Variants in ATXN2 observed in about 807,000 individuals in gnomAD.
ATXN2 encodes the protein ataxin 2.
A neutral mutation model predicts 138.6 loss-of-function variants in ATXN2; 37 were observed. The ratio of observed to expected loss-of-function variants is 0.27; its 90% CI spans 0.21 to 0.35. ATXN2 has a LOEUF of 0.35. Ranked by LOEUF, ATXN2 falls within the 10% of genes least tolerant of loss-of-function variation. The pLI, the probability that ATXN2 is intolerant of heterozygous loss-of-function variation, is 1.00. For missense variants in ATXN2, 1,216 were observed against 1,480.3 expected, an observed-to-expected ratio of 0.82 and a Z score of 2.93; for synonymous variants, 549 against 543.7, an observed-to-expected ratio of 1.01 and a Z score of -0.13.
rs573328063 is a variant in ATXN2 at position 111,507,136 on chromosome 12, T to C, written c.1935+2413A>G. ...CTGCCTGGCCACCCATCGTCTGGGATGTGAGGAGCCCCTCTGCCCGGCTGC... is the reference window on the plus strand; with the variant it reads ...CTGCCTGGCCACCCATCGTCTGGGACGTGAGGAGCCCCTCTGCCCGGCTGC... On this transcript the variant is annotated intron_variant, in intron 14 of 24. Coordinates refer to ENST00000673436, the MANE Select transcript of ATXN2 (RefSeq NM_001372574.1). Among the ~76,000 whole-genome samples the C allele has an allele frequency of 3.5e-3, 533 of 150,202 alleles. 1 individual carries two copies. The highest frequency in any genetic ancestry group is 0.012 in the African/African-American group (507 of 40,734).
At chr12:111,512,405 A>T (rs933415572) in intron 11 of ATXN2, 2 of 152,000 alleles carry the variant, frequency 1.3e-5, no homozygotes, top group African/African-American at 4.8e-5. Flanking sequence ...AAGTAGCAAA[A>T]GCAGTCAGCC....
chr12:111,570,260 G>A (rs1883243540), intron 1 of ATXN2, among the ~76,000 whole-genome samples: 1 of 152,044 alleles, frequency 6.6e-6, no homozygotes, highest in Admixed American at 6.6e-5. Flanking sequence ...CTTTCTGGAG[G>A]CCACAAAACA....
chr12:111,598,877 G>A lies in ATXN2; in HGVS notation c.158C>T (p.Ser53Leu). ...CGAGGAGACCGAGGACGAGGACGGC[G>A]AAGGCGCGGCGGCGGGCGACGCTAG... is the stretch of plus-strand genomic sequence containing the variant. The part of the protein sequence containing the change: ...GLLASPAAAP[S>L]PSSSSVSSSS... The change falls in exon 1 of 25, where the codon TCG becomes TTG. Residue 53 changes from serine (S) to leucine (L), a missense_variant. This residue lies in a region of ATXN2 where 110 missense variants were observed against 88.7 expected (regional missense o/e 1.24). Transcript: ENST00000673436. The surrounding 1 kb of genome is among the most constrained non-coding windows in gnomAD (Gnocchi z 4.5). 4 of 1,495,794 alleles carry A rather than the reference G, an allele frequency of 2.7e-6. No individual in the cohort carries two copies. The South Asian group carries it at 3.7e-5, about 14-fold the overall frequency. 92.7% of individuals were successfully genotyped at this position (1,495,794 alleles called of 1,614,324 possible). A position where few individuals can be genotyped will look rare whatever the true frequency, so the allele number is the denominator to read the frequency against.
intron 5 of ATXN2, among the ~76,000 whole-genome samples, chr12:111,530,569 T>A (rs934316193): frequency 2.0e-5 from 3 of 152,074 alleles, no homozygotes; most frequent in Non-Finnish European, 2.9e-5. Flanking sequence ...AATCTCAGCA[T>A]TTTGGGAGGC....
intron 5 of ATXN2, among the ~76,000 whole-genome samples, chr12:111,543,324 GAACAC>G: frequency 6.6e-6 from 1 of 152,146 alleles, no homozygotes; most frequent in Non-Finnish European, 1.5e-5. Flanking sequence ...AACCATATGA[GAACAC>G]AACAGCACAC....
At chr12:111,577,865 G>A (rs1883761773) in intron 1 of ATXN2, among the ~76,000 whole-genome samples, 2 of 151,994 alleles carry the variant, frequency 1.3e-5, no homozygotes, top group Admixed American at 1.3e-4. Context: ...GAGGATTGCT[G>A]GAGCCCAGGA....
Position 111,598,970 on chromosome 12 carries a change from TGCTGCTGTTGCTGCTGCTGCTGCTGC to T in ATXN2, c.39_64del (p.Gln14AlafsTer67). 1 of 1,500,136 alleles carries T rather than the reference TGCTGCTGTTGCTGCTGCTGCTGCTGC, an allele frequency of 6.7e-7. No individual in the cohort carries two copies. Among genetic ancestry groups the T allele is most frequent in the South Asian group, 1.2e-5 (1 of 80,436 alleles). 92.9% of individuals were successfully genotyped at this position (1,500,136 alleles called of 1,614,324 possible). On this transcript the variant is annotated frameshift_variant, in exon 1 of 25. Transcript: ENST00000673436. LOFTEE classifies it high-confidence loss of function. This position sits in a 1 kb window ranked among gnomAD's most constrained non-coding sequence, Gnocchi z 4.5. ...CGGCGGCTGCTGCTGCTGCTGCTGC[TGCTGCTGTTGCTGCTGCTGCTGCTGC>T]TGCTGCTGCTGCTGCTGCTGCTGGG...
At chr12:111,557,815 C>A (rs1004239164) in intron 1 of ATXN2, among the ~76,000 whole-genome samples, 6 of 152,188 alleles carry the variant, frequency 3.9e-5, no homozygotes, top group Middle Eastern at 3.4e-3. Flanking sequence ...GGGGGGTGTA[C>A]TTATAGTCTG....
chr12:111,585,411 T>C (rs2135838543), intron 1 of ATXN2, among the ~76,000 whole-genome samples: 1 of 150,370 alleles, frequency 6.7e-6, no homozygotes. Flanking sequence ...TACTCAGGAG[T>C]CAGAGGCAGG....
At position 111,510,569 on chromosome 12, in the gene ATXN2, G is replaced by T. The variant is rs1879448628; in HGVS notation, c.1572C>A (p.Ser524=). Residue 524 remains serine, a synonymous_variant, in exon 12 of 25, where the codon TCC becomes TCA. Coordinates refer to ENST00000673436, the MANE Select transcript of ATXN2 (RefSeq NM_001372574.1). The part of the protein sequence containing the change: ...SSVVSGVPRL[S]PKTHRPRSPR... ...GAGACCTGGGTCTATGAGTTTTAGG[G>T]GATAATCTTGGAACTAGAAGAAAGG... The T allele has an allele frequency of 6.2e-7, 1 of 1,607,986 alleles. No homozygotes were observed. The highest frequency in any genetic ancestry group is 1.3e-5 in the African/African-American group (1 of 74,660).
At chr12:111,471,817 G>C (rs1223124373) in intron 18 of ATXN2, 1 of 151,868 alleles carries the variant, frequency 6.6e-6, no homozygotes, top group Non-Finnish European at 1.5e-5. Flanking sequence ...AAGTTTGCCC[G>C]ATTATGCTAA....
At chr12:111,479,949 C>T (rs1877102906) in intron 18 of ATXN2, among the ~76,000 whole-genome samples, 1 of 146,098 alleles carries the variant, frequency 6.8e-6, no homozygotes, top group African/African-American at 2.5e-5. Flanking sequence ...GAGTTCGAGA[C>T]CAACCTGGGC....
chr12:111,513,553 A>C lies in ATXN2; in HGVS notation c.1376-14T>G. ...TCCTTGGAGGCCCTAAGGAAGAAAC[A>C]GTGAACATCACATAAATTCCATGAT... On this transcript the variant is annotated splice_polypyrimidine_tract_variant and intron_variant, in intron 10 of 24. Coordinates refer to ENST00000673436, the MANE Select transcript of ATXN2 (RefSeq NM_001372574.1). The C allele has an allele frequency of 6.2e-7, 1 of 1,601,838 alleles. No individual in the cohort carries two copies. Among genetic ancestry groups the C allele is most frequent in the Non-Finnish European group, 8.5e-7 (1 of 1,175,178 alleles).
chr12:111,479,944 C>T (rs1220031436), intron 18 of ATXN2, among the ~76,000 whole-genome samples: 2 of 139,962 alleles, frequency 1.4e-5, no homozygotes, highest in Non-Finnish European at 3.0e-5. Flanking sequence ...CTCAAGAGTT[C>T]GAGACCAACC....
At chr12:111,456,317 T>C in intron 22 of ATXN2, 61 bp from the exon 23 acceptor site, 2 of 1,566,678 alleles carry the variant, frequency 1.3e-6, no homozygotes, top group South Asian at 1.1e-5. Context: ...AGCCAAGGGA[T>C]ACCCACAAAG....
At chr12:111,576,225 C>A (rs1422571497) in intron 1 of ATXN2, among the ~76,000 whole-genome samples, 2 of 152,128 alleles carry the variant, frequency 1.3e-5, no homozygotes, top group South Asian at 4.1e-4. Flanking sequence ...AGGCGGATCA[C>A]TTGAGAATAG....
intron 1 of ATXN2, among the ~76,000 whole-genome samples, chr12:111,577,992 T>G (rs1883773219): frequency 1.4e-5 from 2 of 146,144 alleles, no homozygotes; most frequent in Non-Finnish European, 3.0e-5. Context: ...GGTCAGGAGT[T>G]CGAGACCAGC....
intron 1 of ATXN2, among the ~76,000 whole-genome samples, chr12:111,580,718 T>C (rs1227608710): frequency 1.1e-5 from 1 of 90,462 alleles, no homozygotes; most frequent in Non-Finnish European, 2.3e-5. Context: ...AGAGGAAGGG[T>C]TGGGAGAGAC....
intron 17 of ATXN2, 146 bp downstream of exon 17, chr12:111,485,564 TAAC>T: frequency 9.5e-7 from 1 of 1,052,794 alleles, no homozygotes; most frequent in Non-Finnish European, 1.4e-6. Flanking sequence ...TCCTCATACT[TAAC>T]AACACACTGA....
Sources: gnomAD v4.1 joint callset for allele counts (sites outside exome capture counted in the v4.1 genomes callset) on GRCh38, gnomAD v4.1.1 for gene constraint, gnomAD v4.1.1 regional missense constraint, Gnocchi (gnomAD v3.1) non-coding constraint, MANE v1.5 for transcripts, NCBI Gene and HGNC (gene_info 2026-07-23, HGNC 2026-07-21) for gene names.